SEC23A: variants seen among roughly 807,000 people sequenced by gnomAD.
SEC23A encodes protein transport protein Sec23A.
In SEC23A, 56 loss-of-function variants were observed where a neutral mutation model predicts 103.7. The observed-to-expected ratio is 0.54, with a 90% CI of 0.44 to 0.67. The LOEUF (loss-of-function observed/expected upper bound fraction) is 0.67, where lower values mean the gene tolerates loss of function less well. Ranked by LOEUF, SEC23A falls within the 30% of genes least tolerant of loss-of-function variation. The pLI is 0.00. For synonymous variants in SEC23A, 281 were observed against 293.0 expected (o/e 0.96, Z 0.42); for missense variants, 784 against 936.4 (o/e 0.84, Z 2.12).
chr14:39,077,526 G>T (rs964367085), intron 7 of SEC23A, among the ~76,000 whole-genome samples: 1 of 149,790 alleles, frequency 6.7e-6, no homozygotes, highest in African/African-American at 2.5e-5. Context: ...TGGGCAACAC[G>T]GTAAGACTCT....
intron 13 of SEC23A, among the ~76,000 whole-genome samples, chr14:39,055,602 A>G (rs1886218101): frequency 6.6e-6 from 1 of 152,058 alleles, no homozygotes; most frequent in South Asian, 2.1e-4. Flanking sequence ...TGAGGCAGGA[A>G]ATTAAACAAA....
At chr14:39,083,887 T>C (rs1416873953) in intron 7 of SEC23A, among the ~76,000 whole-genome samples, 55 of 151,962 alleles carry the variant, frequency 3.6e-4, no homozygotes, top group Admixed American at 3.6e-3. Context: ...TCTAAATTAA[T>C]TGAGACTATC....
intron 15 of SEC23A, chr14:39,047,275 G>A (rs1309768078): frequency 1.9e-6 from 1 of 524,438 alleles, no homozygotes. Flanking sequence ...GAGAAAGTGT[G>A]CAGAATTTAG....
rs148714440 is a variant in SEC23A, at chr14:39,054,896, T to C, written c.1659+247A>G. On this transcript the variant is annotated intron_variant, in intron 14 of 19. Transcript: ENST00000307712. Reference sequence around the variant, plus strand: ...CTAACCTCATTCCAGCCAATAAGAATAGAAAAATAATAGGTTACATAATTG... The same window carrying C: ...CTAACCTCATTCCAGCCAATAAGAACAGAAAAATAATAGGTTACATAATTG... Among the ~76,000 whole-genome samples the C allele has an allele frequency of 2.3e-3, 353 of 152,234 alleles. 14 individuals are homozygous for C. In the East Asian group the frequency reaches 0.058, roughly 25 times the overall value.
intron 9 of SEC23A, among the ~76,000 whole-genome samples, chr14:39,070,670 G>C (rs542339221): frequency 6.6e-6 from 1 of 152,314 alleles, no homozygotes; most frequent in Non-Finnish European, 1.5e-5. Flanking sequence ...ATTTTCATGA[G>C]AGTTTTTGGA....
intron 15 of SEC23A, among the ~76,000 whole-genome samples, chr14:39,048,089 T>C (rs1391169605): frequency 1.3e-5 from 2 of 152,142 alleles, no homozygotes; most frequent in Non-Finnish European, 2.9e-5. Context: ...TAACCAGCCT[T>C]ACATGTAATT....
chr14:39,038,717 C>T (rs1450116855), intron 19 of SEC23A, among the ~76,000 whole-genome samples: 1 of 152,192 alleles, frequency 6.6e-6, no homozygotes, highest in Non-Finnish European at 1.5e-5. Flanking sequence ...ACTATGATCC[C>T]TGGCCTCTCT....
At chr14:39,101,912 C>G (rs1385880506) in intron 1 of SEC23A, among the ~76,000 whole-genome samples, 1 of 152,096 alleles carries the variant, frequency 6.6e-6, no homozygotes, top group African/African-American at 2.4e-5. Context: ...CCATCTAACT[C>G]TAAAATTCTG....
intron 14 of SEC23A, among the ~76,000 whole-genome samples, chr14:39,052,218 G>A (rs1886090177): frequency 6.6e-6 from 1 of 151,882 alleles, no homozygotes; most frequent in East Asian, 1.9e-4. Flanking sequence ...ATAATACCTG[G>A]GTGATGGGAT....
chr14:39,079,441 T>C (rs1327624538), intron 7 of SEC23A, among the ~76,000 whole-genome samples: 1 of 152,192 alleles, frequency 6.6e-6, no homozygotes, highest in Non-Finnish European at 1.5e-5. Flanking sequence ...TAAGTGGTTA[T>C]TGGACAAAAT....
intron 19 of SEC23A, among the ~76,000 whole-genome samples, chr14:39,038,019 C>CT (rs761574266): frequency 7.9e-5 from 12 of 152,146 alleles, no homozygotes; most frequent in Admixed American, 6.5e-4. Flanking sequence ...TTCAATGACT[C>CT]TCCATTACTT....
In SEC23A at chr14:39,063,432, G is replaced by T; in HGVS notation, c.1309-19C>A. ...CTATCTCCTGTAAAAATAAAATATAGCATGTTTGAAAGCTAGAGACACAAT... is the reference window on the plus strand; with the variant it reads ...CTATCTCCTGTAAAAATAAAATATATCATGTTTGAAAGCTAGAGACACAAT... On this transcript the variant is annotated intron_variant, in intron 11 of 19. Transcript: ENST00000307712. 3 of 1,470,756 alleles carry T rather than the reference G, an allele frequency of 2.0e-6. No homozygotes were observed. The highest frequency in any genetic ancestry group is 1.1e-5 in the South Asian group (1 of 87,346). The allele number at this position is 1,470,756 out of a possible 1,614,324, so 91.1% of individuals were successfully genotyped here. A position where few individuals can be genotyped will look rare whatever the true frequency, so the allele number is the denominator to read the frequency against.
intron 19 of SEC23A, among the ~76,000 whole-genome samples, chr14:39,037,542 G>A (rs933939952): frequency 6.6e-6 from 1 of 151,680 alleles, no homozygotes; most frequent in Admixed American, 6.6e-5. Flanking sequence ...TCTTCTTTTT[G>A]TTGAATAACT....
rs1211566708 is a variant in SEC23A, at chr14:39,063,361, G to C, written c.1361C>G (p.Thr454Ser). 1.2e-6 allele frequency: 2 copies of C among 1,612,422 alleles called. No individual in the cohort carries two copies. Among genetic ancestry groups the C allele is most frequent in the Non-Finnish European group, 1.7e-6 (2 of 1,178,630 alleles). ...CTCAAAATATATGGCTAAGGTTGTA[G>C]TGGGACTAAGTCCACATATCTTCCA... is the stretch of plus-strand genomic sequence containing the variant. The part of the protein sequence containing the change: ...CQWKICGLSP[T>S]TTLAIYFEVV... The change falls in exon 12 of 20, where the codon ACT (threonine) becomes AGT (serine). Residue 454 changes from threonine (T) to serine (S), a missense_variant. Thr to Ser is a moderately conservative substitution (Grantham distance 58). This residue lies in a region of SEC23A where 683 missense variants were observed against 774.2 expected (regional missense o/e 0.88). Coordinates refer to ENST00000307712, the MANE Select transcript of SEC23A (RefSeq NM_006364.4).
At chr14:39,077,574 TAGAG>T (rs900437666) in intron 7 of SEC23A, among the ~76,000 whole-genome samples, 7 of 147,246 alleles carry the variant, frequency 4.8e-5, no homozygotes, top group South Asian at 2.1e-4. Flanking sequence ...GAGACAAAGA[TAGAG>T]AGAGAGAGAG....
chr14:39,077,502 A>G lies in SEC23A; in HGVS notation c.829-1409T>C, dbSNP rs987636486. The stretch of plus-strand genomic sequence containing the variant: ...GGTTGCAGTGAGCCGAGATTGTGCC[A>G]CTGCACTCCAGCCTGGGCAACACGG... On this transcript the variant is annotated intron_variant, in intron 7 of 19. Coordinates refer to ENST00000307712, the MANE Select transcript of SEC23A (RefSeq NM_006364.4). Among the ~76,000 whole-genome samples the G allele has an allele frequency of 4.3e-4, 66 of 151,980 alleles. 1 individual carries two copies. Among genetic ancestry groups the G allele is most frequent in the African/African-American group, 1.6e-3 (65 of 41,436 alleles).
chr14:39,099,907 T>TCTGAAC, intron 1 of SEC23A, among the ~76,000 whole-genome samples: 1 of 152,272 alleles, frequency 6.6e-6, no homozygotes, highest in South Asian at 2.1e-4. Context: ...ATGTTTAAGT[T>TCTGAAC]AGGGGTTCTG....
chr14:39,065,017 T>C, intron 10 of SEC23A, 24 bp from the exon 11 acceptor site: 2 of 1,462,052 alleles, frequency 1.4e-6, no homozygotes, highest in Admixed American at 1.7e-5. Context: ...ATACAGCATG[T>C]TCGGTTTCCT....
intron 1 of SEC23A, among the ~76,000 whole-genome samples, chr14:39,102,491 A>T (rs1428351930): frequency 3.3e-5 from 5 of 152,210 alleles, no homozygotes; most frequent in African/African-American, 4.8e-5. Flanking sequence ...CAAATCGGGA[A>T]ACACTACCTA....
Sources: gnomAD v4.1 joint callset for allele counts (sites outside exome capture counted in the v4.1 genomes callset) on GRCh38, gnomAD v4.1.1 for gene constraint, gnomAD v4.1.1 regional missense constraint, MANE v1.5 for transcripts, NCBI Gene and HGNC (gene_info 2026-07-23, HGNC 2026-07-21) for gene names.